The following LIG3 variants were observed in gnomAD, a reference collection of about 807,000 sequenced individuals.
The protein encoded by LIG3 is DNA ligase 3.
A neutral mutation model predicts 110.9 loss-of-function variants in LIG3; 58 were observed. The ratio of observed to expected loss-of-function variants is 0.52; its 90% CI spans 0.42 to 0.65. The LOEUF (loss-of-function observed/expected upper bound fraction) is 0.65, where lower values mean the gene tolerates loss of function less well. LIG3 is among the 30% of genes least tolerant of loss of function. The pLI is 0.00. For missense variants in LIG3, 1,094 were observed against 1,273.8 expected (o/e 0.86, Z 2.15); for synonymous variants, 422 against 472.8 (o/e 0.89, Z 1.39).
chr17:34,999,628 A>G (rs2142279287), intron 15 of LIG3, among the ~76,000 whole-genome samples, 154 bp from the exon 16 acceptor site: 1 of 152,346 alleles, frequency 6.6e-6, no homozygotes, highest in South Asian at 2.1e-4. Flanking sequence ...AATGGCTTGC[A>G]TGCCTCTAGG....
At chr17:34,998,858 C>A in intron 14 of LIG3, 131 bp downstream of exon 14, 1 of 1,190,304 alleles carries the variant, frequency 8.4e-7, no homozygotes, top group Non-Finnish European at 1.2e-6. Context: ...GGATCTAGGG[C>A]CCCAAGCTGG....
intron 2 of LIG3, among the ~76,000 whole-genome samples, 164 bp downstream of exon 2, chr17:34,983,716 A>C (rs2090628930): frequency 6.6e-6 from 1 of 152,186 alleles, no homozygotes; most frequent in African/African-American, 2.4e-5. Context: ...AGCTCACTGC[A>C]GCTTTGCACT....
chr17:35,010,408 G>A (rs1368749878), downstream of LIG3: 1 of 152,176 alleles, frequency 6.6e-6, no homozygotes, highest in African/African-American at 2.4e-5. Context: ...AGACTGTGAG[G>A]GCTCAAATAC....
chr17:34,991,833 T>C lies in LIG3; in HGVS notation c.1204T>C (p.Ser402Pro), dbSNP rs1039519880. 16 of 1,614,042 alleles carry C rather than the reference T, an allele frequency of 9.9e-6. No individual in the cohort carries two copies. The highest frequency in any genetic ancestry group is 1.4e-5 in the Non-Finnish European group (16 of 1,179,976). Residue 402 changes from serine to proline, a missense_variant, in exon 6 of 20, where the codon TCC becomes CCC. Physicochemically the swap from Ser to Pro is moderately conservative, Grantham distance 74 (BLOSUM62 -1). Transcript: ENST00000378526. ...EQQQALQDIA[S>P]RCTANDLKCI... ...GCAACAGGCCCTACAGGACATTGCC[T>C]CCAGGTGGGGGAGCTGCCTCCGTCA...
In LIG3 at chr17:34,996,075, T is replaced by C. The variant is rs1470001892; in HGVS notation, c.1623T>C (p.Phe541=). ...CCTTCTGCTTTCAGGTGGCCCACTT[T>C]AAGGACTACATTCCCCAGGCTTTTC... ...KPVLPHKVAH[F]KDYIPQAFPG... Residue 541 remains phenylalanine (F), a synonymous_variant, in exon 10 of 20, where the codon TTT becomes TTC. Transcript: ENST00000378526. The C allele has an allele frequency of 6.2e-7, 1 of 1,613,766 alleles. No homozygotes were observed. Among genetic ancestry groups the C allele is most frequent in the Non-Finnish European group, 8.5e-7 (1 of 1,179,780 alleles).
At chr17:34,985,882 A>T in intron 2 of LIG3, 106 bp from the exon 3 acceptor site, 1 of 1,143,576 alleles carries the variant, frequency 8.7e-7, no homozygotes, top group South Asian at 1.4e-5. Flanking sequence ...GTGCTAGGGT[A>T]GTGACTTAAC....
intron 3 of LIG3, among the ~76,000 whole-genome samples, chr17:34,986,780 A>G (rs1166294689): frequency 6.6e-6 from 1 of 152,218 alleles, no homozygotes; most frequent in Non-Finnish European, 1.5e-5. Context: ...TAATGAAAGA[A>G]TTTTGAGAAA....
In LIG3 at chr17:34,985,971, CTT is replaced by C. The variant is rs1386032058; in HGVS notation, c.548-14_548-13del. ...CGTTCACTGAAGGATATTTTATACT[CTT>C]TTGGGATCCTACAGATCTGTCTTCT... On this transcript the variant is annotated splice_polypyrimidine_tract_variant and intron_variant, in intron 2 of 19. Coordinates refer to ENST00000378526, the MANE Select transcript of LIG3 (RefSeq NM_013975.4). 6.2e-7 allele frequency: 1 copy of C among 1,611,790 alleles called. No homozygotes were observed. The highest frequency in any genetic ancestry group is 8.5e-7 in the Non-Finnish European group (1 of 1,178,614).
Position 34,997,765 on chromosome 17 carries a change from T to A in LIG3, c.1851T>A (p.Leu617=). ...CTCTGTGTGAGCGGCGGAAGTTTCT[T>A]CATGACAACATGGTTGAAATTCCAA... The part of the protein sequence containing the change: ...DRPLCERRKF[L]HDNMVEIPNR... Residue 617 remains leucine, a synonymous_variant, in exon 12 of 20, where the codon CTT becomes CTA. Coordinates refer to ENST00000378526, the MANE Select transcript of LIG3 (RefSeq NM_013975.4). 1 of 1,614,174 alleles carries A rather than the reference T, an allele frequency of 6.2e-7. No individual in the cohort carries two copies. The highest frequency in any genetic ancestry group is 8.5e-7 in the Non-Finnish European group (1 of 1,180,022).
intron 4 of LIG3, 110 bp downstream of exon 4, chr17:34,989,773 A>G: frequency 1.0e-6 from 1 of 991,944 alleles, no homozygotes. Flanking sequence ...GCTTGGTTTA[A>G]TGCTGTACTG....
rs772256892 is a variant in LIG3, at chr17:35,004,425, C to A, written c.2949C>A (p.Asp983Glu). The change falls in exon 20 of 20, where the codon GAC becomes GAA. Residue 983 changes from aspartate to glutamate, a missense_variant. Transcript: ENST00000378526. ...TSATHVLGSRDKNPAAQQVSP... is the reference protein window; with the variant it reads ...TSATHVLGSREKNPAAQQVSP... ...CCACGCACGTGCTGGGTAGCAGGGA[C>A]AAGAACCCTGCGGCCCAGCAGGTCT... 1 of 1,614,188 alleles carries A rather than the reference C, an allele frequency of 6.2e-7. No individual in the cohort carries two copies. Among genetic ancestry groups the A allele is most frequent in the Non-Finnish European group, 8.5e-7 (1 of 1,180,042 alleles).
At chr17:34,990,389 T>C (rs967762440) in intron 4 of LIG3, among the ~76,000 whole-genome samples, 1 of 151,618 alleles carries the variant, frequency 6.6e-6, no homozygotes, top group Non-Finnish European at 1.5e-5. Flanking sequence ...AAGCAGTCCT[T>C]CTGCCTCAGC....
Position 35,002,572 on chromosome 17 carries a change from C to T in LIG3, c.2675-96C>T, listed in dbSNP as rs2090854513. The T allele has an allele frequency of 2.9e-6, 4 of 1,357,434 alleles. No individual in the cohort carries two copies. The African/African-American group carries it at 5.8e-5, about 20-fold the overall frequency. 84.1% of individuals were successfully genotyped at this position (1,357,434 alleles called of 1,614,324 possible). On this transcript the variant is annotated intron_variant, in intron 18 of 19. Transcript: ENST00000378526. ...GGAGTGCAGTGGCACGACCATAGCT[C>T]ACTGCAGCCTCGAACTCCTGAGTTG...
chr17:34,999,342 G>A lies in LIG3; in HGVS notation c.2149G>A (p.Asp717Asn), dbSNP rs757797167. Residue 717 changes from aspartate to asparagine, a missense_variant, in exon 15 of 20, where the codon GAC becomes AAC. Coordinates refer to ENST00000378526, the MANE Select transcript of LIG3 (RefSeq NM_013975.4). ...MMSIFLMGCY[D>N]PGSQKWCTVT... Reference sequence around the variant, plus strand: ...GTCAATCTTCCTCATGGGCTGCTACGACCCTGGCAGCCAGAAGTGGTGCAC... The same window carrying A: ...GTCAATCTTCCTCATGGGCTGCTACAACCCTGGCAGCCAGAAGTGGTGCAC... The A allele has an allele frequency of 5.6e-6, 9 of 1,613,740 alleles. No individual in the cohort carries two copies. In the East Asian group the frequency reaches 1.6e-4, roughly 28 times the overall value.
Position 35,002,648 on chromosome 17 carries a change from G to C in LIG3, c.2675-20G>C. ...CTATAGGTGTGCACCACCACACCCA[G>C]CTTCCTCTCTGTCCTGCAGGCAACA... On this transcript the variant is annotated intron_variant, in intron 18 of 19. Transcript: ENST00000378526. The C allele has an allele frequency of 1.2e-6, 2 of 1,609,236 alleles. No homozygotes were observed. Among genetic ancestry groups the C allele is most frequent in the Non-Finnish European group, 1.7e-6 (2 of 1,178,180 alleles).
chr17:34,984,084 A>G (rs532251166), intron 2 of LIG3, among the ~76,000 whole-genome samples: 10 of 152,318 alleles, frequency 6.6e-5, no homozygotes, highest in African/African-American at 2.4e-4. Flanking sequence ...CGACTATAAT[A>G]TAGCTATCAT....
In LIG3 at chr17:35,005,636, A is replaced by G. The variant is rs60014690; in HGVS notation, c.*1130A>G. 0.11 allele frequency: 60,704 copies of G among 573,648 alleles called. 3,646 individuals are homozygous for G. Among genetic ancestry groups the G allele is most frequent in the South Asian group, 0.15 (11,204 of 72,826 alleles). 35.5% of individuals were successfully genotyped at this position (573,648 alleles called of 1,614,324 possible). A position where few individuals can be genotyped will look rare whatever the true frequency, so the allele number is the denominator to read the frequency against. On this transcript the variant is annotated 3_prime_UTR_variant, in exon 20 of 20. Coordinates refer to ENST00000378526, the MANE Select transcript of LIG3 (RefSeq NM_013975.4). ...AATGCACCAAATATCCCAAAACTCA[A>G]TCGATTTTTTTTCTTCTATTCATTG...
At chr17:34,984,583 GC>G (rs1198929218) in intron 2 of LIG3, among the ~76,000 whole-genome samples, 2 of 151,520 alleles carry the variant, frequency 1.3e-5, no homozygotes, top group African/African-American at 4.8e-5. Flanking sequence ...AGTGGGAAAT[GC>G]CCCTGTTAAA....
chr17:35,010,078 A>G (rs1255679135), downstream of LIG3: 1 of 144,368 alleles, frequency 6.9e-6, no homozygotes, highest in Non-Finnish European at 1.5e-5. Context: ...TGTTCAGTTG[A>G]CTAGTTTATG....
Sources: allele counts gnomAD v4.1 joint callset (sites outside exome capture counted in the v4.1 genomes callset), GRCh38; gene constraint gnomAD v4.1.1; transcripts MANE v1.5; gene names NCBI Gene and HGNC (gene_info 2026-07-23, HGNC 2026-07-21).